The following PRKCI variants were observed in gnomAD, a reference collection of about 807,000 sequenced individuals.
PRKCI encodes the protein protein kinase C iota.
PRKCI carries 43 observed loss-of-function variants against 84.0 expected under a neutral mutation model. The observed-to-expected ratio is 0.51, with a 90% CI of 0.40 to 0.66. The LOEUF (loss-of-function observed/expected upper bound fraction) is 0.66. Ranked by LOEUF, PRKCI falls within the 30% of genes least tolerant of loss-of-function variation. The probability of loss-of-function intolerance (pLI) is 0.00; values close to 1 mark genes in which losing one functional copy is unlikely to be tolerated. For synonymous variants in PRKCI, 216 were observed against 234.4 expected, an observed-to-expected ratio of 0.92 and a Z score of 0.72; for missense variants, 459 against 745.6, an observed-to-expected ratio of 0.62 and a Z score of 4.48.
intron 2 of PRKCI, among the ~76,000 whole-genome samples, chr3:170,241,614 A>C (rs923316380): frequency 1.3e-5 from 2 of 152,076 alleles, no homozygotes; most frequent in African/African-American, 4.8e-5. Context: ...GCTATTGTGA[A>C]TGATGCAGAT....
At chr3:170,284,407 A>C (rs551308849) in intron 11 of PRKCI, 54 bp from the exon 12 acceptor site, 1 of 1,406,648 alleles carries the variant, frequency 7.1e-7, no homozygotes, top group South Asian at 1.3e-5. Flanking sequence ...CCAGTTGTAA[A>C]TGTAGAACTT....
At chr3:170,224,506 T>C (rs1040164044) in intron 1 of PRKCI, among the ~76,000 whole-genome samples, 2 of 151,924 alleles carry the variant, frequency 1.3e-5, no homozygotes, top group African/African-American at 4.8e-5. Context: ...GATGTTTCAC[T>C]TTATTCTTTT....
chr3:170,280,456 TTTTTTTTTGAAACGGAG>T, intron 9 of PRKCI, 53 bp downstream of exon 9: 1 of 1,481,288 alleles, frequency 6.8e-7, no homozygotes, highest in Non-Finnish European at 9.1e-7. Context: ...ACTATTCTTT[TTTTTTTTTGAAACGGAG>T]TTTCGCTCTT....
intron 2 of PRKCI, among the ~76,000 whole-genome samples, chr3:170,240,967 A>G (rs1733115319): frequency 6.6e-6 from 1 of 152,220 alleles, no homozygotes; most frequent in African/African-American, 2.4e-5. Context: ...TTTCTCATAA[A>G]TTCTTGTGTA....
At chr3:170,277,638 G>A (rs1241929423) in intron 8 of PRKCI, among the ~76,000 whole-genome samples, 1 of 150,694 alleles carries the variant, frequency 6.6e-6, no homozygotes, top group Admixed American at 6.6e-5. Flanking sequence ...AGCTTGCAGT[G>A]AGCAGAGACT....
chr3:170,298,908 G>A, intron 16 of PRKCI, 87 bp from the exon 17 acceptor site: 1 of 810,024 alleles, frequency 1.2e-6, no homozygotes, highest in Non-Finnish European at 2.1e-6. Flanking sequence ...ACTTTAATAA[G>A]GTAAACAATG....
intron 4 of PRKCI, among the ~76,000 whole-genome samples, chr3:170,266,087 T>C (rs1369066214): frequency 1.3e-5 from 2 of 152,308 alleles, no homozygotes; most frequent in Middle Eastern, 3.4e-3. Flanking sequence ...ATTACTGTTA[T>C]TACCATTACT....
At position 170,275,967 on chromosome 3, in the gene PRKCI, T is replaced by C. The variant is rs148048845; in HGVS notation, c.705+680T>C. Among the ~76,000 whole-genome samples, 861 of 150,320 alleles carry C rather than the reference T, an allele frequency of 5.7e-3. 8 individuals are homozygous for C. The highest frequency in any genetic ancestry group is 0.02 in the African/African-American group (830 of 40,806). On this transcript the variant is annotated intron_variant, in intron 8 of 17. Coordinates refer to ENST00000295797, the MANE Select transcript of PRKCI (RefSeq NM_002740.6). ...TTTTTTTTTTGAGTTGGGGTCTTGCTGTGTTGCCCAGGCTGGAGTGCAGTG... is the reference window on the plus strand; with the variant it reads ...TTTTTTTTTTGAGTTGGGGTCTTGCCGTGTTGCCCAGGCTGGAGTGCAGTG...
At chr3:170,278,074 T>C (rs1177219801) in intron 8 of PRKCI, among the ~76,000 whole-genome samples, 1 of 152,216 alleles carries the variant, frequency 6.6e-6, no homozygotes, top group Non-Finnish European at 1.5e-5. Flanking sequence ...TTTTGCAGGA[T>C]AGAGAATTCT....
chr3:170,246,286 G>A (rs1459993901), intron 2 of PRKCI, among the ~76,000 whole-genome samples: 1 of 152,072 alleles, frequency 6.6e-6, no homozygotes, highest in Non-Finnish European at 1.5e-5. Context: ...CTGAGTAGCT[G>A]GGATTACAGG....
chr3:170,245,950 T>TTTTTTTTTTTTTTTTGTTTG (rs1733269127), intron 2 of PRKCI, among the ~76,000 whole-genome samples: 2 of 44,346 alleles, frequency 4.5e-5, no homozygotes, highest in African/African-American at 1.3e-4. Context: ...TATGTCTTTG[T>TTTTTTTTTTTTTTTTGTTTG]TTTTTTTTTT....
In PRKCI at chr3:170,296,791, A is replaced by G. The variant is rs533357488; in HGVS notation, c.1498-513A>G. Among the ~76,000 whole-genome samples the G allele has an allele frequency of 3.9e-5, 6 of 152,332 alleles. No homozygotes were observed. The South Asian group carries it at 1.2e-3, about 32-fold the overall frequency. Reference sequence around the variant, plus strand: ...TTTTATCAGAAAGAAAAATGGGAACATATTCTCATTCATAGTGATGAATAA... The same window carrying G: ...TTTTATCAGAAAGAAAAATGGGAACGTATTCTCATTCATAGTGATGAATAA... On this transcript the variant is annotated intron_variant, in intron 15 of 17. Coordinates refer to ENST00000295797, the MANE Select transcript of PRKCI (RefSeq NM_002740.6).
chr3:170,232,498 C>T (rs1302621352), intron 1 of PRKCI, among the ~76,000 whole-genome samples: 6 of 152,032 alleles, frequency 3.9e-5, no homozygotes, highest in Non-Finnish European at 4.4e-5. Context: ...TGATAATACT[C>T]AGAGGCAGAT....
chr3:170,251,672 G>A (rs1044518113), intron 2 of PRKCI, among the ~76,000 whole-genome samples: 13 of 152,164 alleles, frequency 8.5e-5, no homozygotes, highest in African/African-American at 2.9e-4. Flanking sequence ...CACTTTGGGA[G>A]ACCAAAACAG....
intron 3 of PRKCI, among the ~76,000 whole-genome samples, chr3:170,260,948 A>AAC (rs1396576831): frequency 6.6e-6 from 1 of 151,856 alleles, no homozygotes; most frequent in Non-Finnish European, 1.5e-5. Context: ...AAGTCATGTA[A>AAC]AACTTTTTTT....
intron 4 of PRKCI, among the ~76,000 whole-genome samples, chr3:170,265,188 C>CA (rs71634708): frequency 0.016 from 1,909 of 116,346 alleles, 18 homozygotes; most frequent in African/African-American, 0.044. Context: ...GACTCTGTCT[C>CA]AAAAAAAAAA....
intron 1 of PRKCI, among the ~76,000 whole-genome samples, chr3:170,224,909 C>T (rs889895062): frequency 1.6e-4 from 25 of 152,106 alleles, no homozygotes; most frequent in Non-Finnish European, 3.4e-4. Flanking sequence ...TTCTATTTTC[C>T]CATTTGTATT....
intron 4 of PRKCI, among the ~76,000 whole-genome samples, chr3:170,265,459 A>G (rs1228042992): frequency 6.6e-6 from 1 of 152,152 alleles, no homozygotes; most frequent in Non-Finnish European, 1.5e-5. Flanking sequence ...CTTATGTTTG[A>G]TTGTAAGTTA....
At chr3:170,245,070 G>A (rs368675697) in intron 2 of PRKCI, among the ~76,000 whole-genome samples, 6 of 152,106 alleles carry the variant, frequency 3.9e-5, no homozygotes, top group East Asian at 1.9e-4. Context: ...AGTTGTTCTC[G>A]GTGGGTCTGG....
Sources: allele counts gnomAD v4.1 joint callset (sites outside exome capture counted in the v4.1 genomes callset), GRCh38; gene constraint gnomAD v4.1.1; transcripts MANE v1.5; gene names NCBI Gene and HGNC (gene_info 2026-07-23, HGNC 2026-07-21).